PLCH1: variants seen among roughly 807,000 people sequenced by gnomAD.
The protein encoded by PLCH1 is phospholipase C eta 1.
A neutral mutation model predicts 126.7 loss-of-function variants in PLCH1; 60 were observed. That is an observed-to-expected ratio of 0.47 (90% confidence interval 0.38 to 0.59). PLCH1 has a LOEUF of 0.59. Ranked by LOEUF, PLCH1 falls within the 20% of genes least tolerant of loss-of-function variation. PLCH1 has a pLI of 0.00. For synonymous variants in PLCH1, 719 were observed against 734.9 expected (o/e 0.98, Z 0.35); for missense variants, 1,723 against 2,040.0 (o/e 0.84, Z 2.99).
intron 4 of PLCH1, among the ~76,000 whole-genome samples, chr3:155,590,534 T>C (rs1333411201): frequency 9.1e-5 from 12 of 131,160 alleles, no homozygotes; most frequent in African/African-American, 2.6e-4. Context: ...GCCGAGATCC[T>C]GCCACTGCAC....
intron 12 of PLCH1, among the ~76,000 whole-genome samples, chr3:155,513,825 A>G (rs1402351930): frequency 6.6e-6 from 1 of 152,142 alleles, no homozygotes. Context: ...ATATTATCCT[A>G]TACTCTGGCC....
chr3:155,692,678 G>A (rs1195550815), intron 2 of PLCH1, among the ~76,000 whole-genome samples: 1 of 152,118 alleles, frequency 6.6e-6, no homozygotes, highest in Non-Finnish European at 1.5e-5. Flanking sequence ...GTAGCTGCCT[G>A]TGGTTATCAC....
intron 12 of PLCH1, among the ~76,000 whole-genome samples, chr3:155,505,093 C>A (rs565854195): frequency 7.9e-5 from 12 of 152,168 alleles, no homozygotes; most frequent in Non-Finnish European, 1.6e-4. Flanking sequence ...ATTGACTAAA[C>A]AGTGCTATGT....
chr3:155,680,076 AAAAT>A (rs546702965), intron 2 of PLCH1, among the ~76,000 whole-genome samples: 1 of 152,174 alleles, frequency 6.6e-6, no homozygotes, highest in Non-Finnish European at 1.5e-5. Flanking sequence ...AATGCTTTAA[AAAAT>A]AAATAAATAA....
intron 2 of PLCH1, among the ~76,000 whole-genome samples, chr3:155,691,399 C>T (rs397231): frequency 1.3e-5 from 2 of 151,600 alleles, no homozygotes; most frequent in Admixed American, 6.6e-5. Flanking sequence ...TAGCAACAAC[C>T]GTCTCAAATT....
chr3:155,582,756 G>C (rs908495916), intron 6 of PLCH1, among the ~76,000 whole-genome samples: 6 of 152,046 alleles, frequency 3.9e-5, no homozygotes, highest in African/African-American at 1.2e-4. Flanking sequence ...AATATAAAAG[G>C]TTAAAAAATT....
chr3:155,712,120 T>C (rs6802192), intron 1 of PLCH1, among the ~76,000 whole-genome samples: 9,320 of 152,252 alleles, frequency 0.061, 673 homozygotes, highest in African/African-American at 0.17. Context: ...ACTGATGAAA[T>C]ACGTCAGCAT....
rs752931728 is a variant in PLCH1, at chr3:155,482,898, A to G, written c.3128T>C (p.Val1043Ala). The G allele has an allele frequency of 6.2e-7, 1 of 1,614,128 alleles. No individual in the cohort carries two copies. Among genetic ancestry groups the G allele is most frequent in the South Asian group, 1.1e-5 (1 of 91,078 alleles). Reference protein sequence around the residue: ...DTIVSTAHMSVTGEQLGMSSP... With the variant: ...DTIVSTAHMSATGEQLGMSSP... ...TGACATGCCCAGCTGTTCTCCTGTGACTGACATGTGGGCAGTAGATACAAT... is the reference window on the plus strand; with the variant it reads ...TGACATGCCCAGCTGTTCTCCTGTGGCTGACATGTGGGCAGTAGATACAAT... Residue 1043 changes from valine (V) to alanine (A), a missense_variant, in exon 23 of 23, where the codon GTC becomes GCC. Physicochemically the swap from Val to Ala is moderately conservative, Grantham distance 64. Transcript: ENST00000460012.
chr3:155,504,897 T>C (rs547156104), intron 12 of PLCH1, among the ~76,000 whole-genome samples: 88 of 152,334 alleles, frequency 5.8e-4, no homozygotes, highest in South Asian at 4.1e-3. Flanking sequence ...GGTCAAGGGC[T>C]CTCAGCAGTG....
At chr3:155,545,873 T>C (rs1207192418) in intron 10 of PLCH1, among the ~76,000 whole-genome samples, 1 of 152,190 alleles carries the variant, frequency 6.6e-6, no homozygotes, top group East Asian at 1.9e-4. Flanking sequence ...AAGTAGGTAT[T>C]GATGGGACAT....
intron 10 of PLCH1, among the ~76,000 whole-genome samples, chr3:155,530,270 G>C (rs1007142062): frequency 8.6e-5 from 13 of 151,508 alleles, no homozygotes; most frequent in African/African-American, 2.7e-4. Flanking sequence ...ATTCATATAA[G>C]TAATTCCTCA....
rs572874000 is a variant in PLCH1, at chr3:155,538,999, T to C, written c.1362+10788A>G. On this transcript the variant is annotated intron_variant, in intron 10 of 22. Transcript: ENST00000460012. ...TCGCTAATGAACATAGACGCAAAAA[T>C]CCTCAACCAAATACTAGCTAATTGA... Among the ~76,000 whole-genome samples, 22 of 145,354 alleles carry C rather than the reference T, an allele frequency of 1.5e-4. No homozygotes were observed. The South Asian group carries it at 3.3e-3, about 22-fold the overall frequency.
intron 6 of PLCH1, among the ~76,000 whole-genome samples, chr3:155,579,624 A>G (rs1283493673): frequency 1.3e-5 from 2 of 152,202 alleles, no homozygotes; most frequent in Non-Finnish European, 2.9e-5. Flanking sequence ...ACGATAAGAG[A>G]AACACATTAT....
At chr3:155,724,597 CT>C (rs1291033995) in intron 1 of PLCH1, among the ~76,000 whole-genome samples, 1 of 152,026 alleles carries the variant, frequency 6.6e-6, no homozygotes. Context: ...CATAGAATAT[CT>C]TTTTTCACCC....
intron 3 of PLCH1, among the ~76,000 whole-genome samples, chr3:155,594,935 C>A (rs1732767491): frequency 6.6e-6 from 1 of 152,216 alleles, no homozygotes. Context: ...AAAAGAATTT[C>A]TGACAATCAA....
chr3:155,473,908 T>C (rs370133726), intron 21 of PLCH1, among the ~76,000 whole-genome samples: 34 of 142,708 alleles, frequency 2.4e-4, no homozygotes, highest in East Asian at 1.4e-3. Flanking sequence ...TTCCTTACAC[T>C]TTATACAAAA....
intron 2 of PLCH1, among the ~76,000 whole-genome samples, chr3:155,620,232 A>G (rs1023470433): frequency 4.9e-5 from 7 of 144,320 alleles, no homozygotes; most frequent in African/African-American, 1.7e-4. Flanking sequence ...ATCCCAAAAA[A>G]GAAAAAAAGG....
At chr3:155,547,365 G>A (rs1455900018) in intron 10 of PLCH1, among the ~76,000 whole-genome samples, 2 of 151,070 alleles carry the variant, frequency 1.3e-5, no homozygotes, top group African/African-American at 2.4e-5. Context: ...AGTTAGAATG[G>A]CAATCATTAA....
At chr3:155,710,929 A>G (rs1012964750) in intron 1 of PLCH1, among the ~76,000 whole-genome samples, 105 of 150,208 alleles carry the variant, frequency 7.0e-4, no homozygotes, top group African/African-American at 2.3e-3. Context: ...TCAATGTGAT[A>G]TTACTTATCC....
Sources: allele counts gnomAD v4.1 joint callset (sites outside exome capture counted in the v4.1 genomes callset), GRCh38; gene constraint gnomAD v4.1.1; transcripts MANE v1.5; gene names NCBI Gene and HGNC (gene_info 2026-07-23, HGNC 2026-07-21).